GPR89B: variants seen among roughly 807,000 people sequenced by gnomAD.
GPR89B encodes golgi pH regulator B.
In GPR89B, 25 loss-of-function variants were observed where a neutral mutation model predicts 52.4. The observed-to-expected ratio is 0.48, with a 90% CI of 0.35 to 0.67. The LOEUF (loss-of-function observed/expected upper bound fraction) is 0.67. Ranked by LOEUF, GPR89B falls within the 30% of genes least tolerant of loss-of-function variation. GPR89B has a pLI of 0.01. For missense variants in GPR89B, 146 were observed against 450.2 expected, an observed-to-expected ratio of 0.32 and a Z score of 6.11; for synonymous variants, 52 against 151.2, an observed-to-expected ratio of 0.34 and a Z score of 4.81.
At chr1:148,019,027 G>T in the GPR89B span, among the ~76,000 whole-genome samples, 7 of 149,160 alleles carry the variant, frequency 4.7e-5, no homozygotes, top group African/African-American at 1.7e-4. Context: ...ACCAGGCTGG[G>T]GTGCAGTGGC....
chr1:147,940,557 G>A (rs587678452), intron 3 of GPR89B, among the ~76,000 whole-genome samples: 1 of 152,100 alleles, frequency 6.6e-6, no homozygotes, highest in African/African-American at 2.4e-5. Context: ...TTAAGCAGGG[G>A]TTGGCAGTCT....
chr1:147,999,991 G>A, the GPR89B span, among the ~76,000 whole-genome samples: 19 of 152,142 alleles, frequency 1.2e-4, no homozygotes, highest in Admixed American at 6.5e-4. Context: ...ATCTCTAGAA[G>A]CCAAGTGTCA....
At chr1:147,962,435 AAAAAG>A (rs1419092893) in intron 7 of GPR89B, among the ~76,000 whole-genome samples, 3 of 151,254 alleles carry the variant, frequency 2.0e-5, no homozygotes, top group Admixed American at 1.3e-4. Context: ...AAAAAAAAAA[AAAAAG>A]AAAAGAAAAG....
intron 7 of GPR89B, among the ~76,000 whole-genome samples, chr1:147,964,204 C>T (rs2149071803): frequency 6.6e-6 from 1 of 150,870 alleles, no homozygotes; most frequent in East Asian, 1.9e-4. Flanking sequence ...TATTTTTTCT[C>T]AAAACTACAT....
At chr1:147,962,420 T>A in intron 7 of GPR89B, among the ~76,000 whole-genome samples, 1 of 133,252 alleles carries the variant, frequency 7.5e-6, no homozygotes. Context: ...CCAAACTCTG[T>A]CTCAAAAAAA....
the GPR89B span, chr1:148,011,096 G>A: frequency 1.3e-5 from 2 of 152,048 alleles, no homozygotes; most frequent in South Asian, 2.1e-4. Context: ...CCCCACCTAC[G>A]CGGGAGACCT....
At chr1:147,949,745 GC>G (rs587600678) in intron 5 of GPR89B, among the ~76,000 whole-genome samples, 36 of 143,406 alleles carry the variant, frequency 2.5e-4, no homozygotes, top group African/African-American at 9.6e-4. Context: ...AGTAGGGGCA[GC>G]CGGGCAGAGG....
At chr1:148,025,625 T>C in the GPR89B span, among the ~76,000 whole-genome samples, 1 of 148,388 alleles carries the variant, frequency 6.7e-6, no homozygotes, top group Non-Finnish European at 1.5e-5. Context: ...TGTTGAAAGC[T>C]TAACCCCCAA....
chr1:147,981,238 C>A (rs2149088165), intron 10 of GPR89B, among the ~76,000 whole-genome samples: 1 of 146,600 alleles, frequency 6.8e-6, no homozygotes, highest in Non-Finnish European at 1.5e-5. Context: ...GAGGCTGAGG[C>A]AGGAGGATCA....
At chr1:148,013,761 G>C in the GPR89B span, among the ~76,000 whole-genome samples, 1 of 152,018 alleles carries the variant, frequency 6.6e-6, no homozygotes, top group Non-Finnish European at 1.5e-5. Flanking sequence ...CTGTCCTCCT[G>C]GGGTTAAGAG....
chr1:148,016,694 C>T, the GPR89B span, among the ~76,000 whole-genome samples: 1 of 151,836 alleles, frequency 6.6e-6, no homozygotes, highest in Non-Finnish European at 1.5e-5. Context: ...GAATTGGAGA[C>T]CAGCCTGAGC....
chr1:147,995,416 TTTG>T (rs1384582163), downstream of GPR89B, among the ~76,000 whole-genome samples: 44 of 151,770 alleles, frequency 2.9e-4, no homozygotes, highest in East Asian at 5.4e-3. Context: ...AAGTAAGAAA[TTTG>T]TTGTTCTTAT....
In GPR89B at chr1:147,938,912, A is replaced by G. The variant is rs587600681; in HGVS notation, c.206+95A>G. On this transcript the variant is annotated intron_variant, in intron 3 of 13. Transcript: ENST00000314163. The stretch of plus-strand genomic sequence containing the variant: ...GGATCTCATAACTGAAAAAAAAAAA[A>G]ACACTGTGTTAATAGTTCAGTTTCA... 22 of 1,564,352 alleles carry G rather than the reference A, an allele frequency of 1.4e-5. No individual in the cohort carries two copies. The African/African-American group carries it at 1.6e-4, about 11-fold the overall frequency.
At chr1:147,990,712 TC>T (rs1396760919) in intron 12 of GPR89B, among the ~76,000 whole-genome samples, 1 of 151,930 alleles carries the variant, frequency 6.6e-6, no homozygotes, top group Non-Finnish European at 1.5e-5. Context: ...GGGAATCCCT[TC>T]CCCATTTCTT....
intron 10 of GPR89B, among the ~76,000 whole-genome samples, chr1:147,978,040 G>C (rs1435779680): frequency 6.6e-6 from 1 of 151,056 alleles, no homozygotes; most frequent in Non-Finnish European, 1.5e-5. Context: ...CCTTGCTGGA[G>C]AGGTGTTGTG....
chr1:147,939,602 A>G (rs1224382084), intron 3 of GPR89B, among the ~76,000 whole-genome samples: 2 of 152,162 alleles, frequency 1.3e-5, no homozygotes, highest in Non-Finnish European at 2.9e-5. Context: ...TAGAGAGACT[A>G]TACTCTCAAA....
At chr1:147,985,040 T>A (rs1394671765) in intron 10 of GPR89B, among the ~76,000 whole-genome samples, 3 of 152,214 alleles carry the variant, frequency 2.0e-5, no homozygotes, top group Non-Finnish European at 4.4e-5. Context: ...AGTTTCTGAC[T>A]AATTTTATCA....
intron 10 of GPR89B, among the ~76,000 whole-genome samples, chr1:147,984,492 T>C (rs1410360675): frequency 6.9e-6 from 1 of 145,928 alleles, no homozygotes; most frequent in Non-Finnish European, 1.5e-5. Flanking sequence ...GAACCAACTT[T>C]TGGGTTAATT....
chr1:147,977,489 T>G (rs1314593322), intron 10 of GPR89B, among the ~76,000 whole-genome samples: 15 of 152,052 alleles, frequency 9.9e-5, no homozygotes, highest in African/African-American at 3.1e-4. Flanking sequence ...TGAATTTGAA[T>G]GTTGGCCTGT....
Sources: allele counts gnomAD v4.1 joint callset (sites outside exome capture counted in the v4.1 genomes callset), GRCh38; gene constraint gnomAD v4.1.1; transcripts MANE v1.5; gene names NCBI Gene and HGNC (gene_info 2026-07-23, HGNC 2026-07-21).